The following ALG14 variants were observed in gnomAD, a reference collection of about 807,000 sequenced individuals.
The protein encoded by ALG14 is UDP-N-acetylglucosamine transferase subunit ALG14.
A neutral mutation model predicts 22.8 loss-of-function variants in ALG14; 17 were observed. The ratio of observed to expected loss-of-function variants is 0.75; its 90% CI spans 0.51 to 1.12. The LOEUF (loss-of-function observed/expected upper bound fraction) is 1.12, where lower values mean the gene tolerates loss of function less well. Among genes scored for constraint, ALG14 ranks in the 50% most tolerant of loss-of-function variants. The probability of loss-of-function intolerance (pLI) is 0.00; values close to 1 mark genes in which losing one functional copy is unlikely to be tolerated. For missense variants in ALG14, 288 were observed against 271.8 expected, an observed-to-expected ratio of 1.06 and a Z score of -0.42; for synonymous variants, 89 against 103.7, an observed-to-expected ratio of 0.86 and a Z score of 0.86.
chr1:95,050,776 T>C (rs1388916246), intron 2 of ALG14, among the ~76,000 whole-genome samples: 1 of 151,906 alleles, frequency 6.6e-6, no homozygotes, highest in African/African-American at 2.4e-5. Context: ...CAATAACAGC[T>C]CCCCTATATC....
chr1:95,001,694 CCATGTTGGCTTGGCTG>C (rs1264363061), intron 3 of ALG14, among the ~76,000 whole-genome samples: 2 of 152,124 alleles, frequency 1.3e-5, no homozygotes, highest in African/African-American at 2.4e-5. Context: ...TGGGGTTCCA[CCATGTTGGCTTGGCTG>C]ATCTCGAACT....
intron 2 of ALG14, among the ~76,000 whole-genome samples, chr1:95,037,696 G>C (rs1161241077): frequency 1.3e-5 from 2 of 152,200 alleles, no homozygotes; most frequent in African/African-American, 4.8e-5. Flanking sequence ...GTAGGTTTAT[G>C]TCACTTGAAG....
intron 1 of ALG14, among the ~76,000 whole-genome samples, chr1:95,067,957 T>C (rs1675431870): frequency 6.6e-6 from 1 of 152,228 alleles, no homozygotes; most frequent in Non-Finnish European, 1.5e-5. Flanking sequence ...CTGTTGGCTG[T>C]CATCTCCCCA....
In ALG14 at chr1:94,977,576, T is replaced by G. The variant is rs1672421028; in HGVS notation, c.*5500A>C. The G allele has an allele frequency of 6.6e-6, 1 of 152,228 alleles. No homozygotes were observed. The highest frequency in any genetic ancestry group is 2.4e-5 in the African/African-American group (1 of 41,458). 9.4% of individuals were successfully genotyped at this position (152,228 alleles called of 1,614,324 possible). A position where few individuals can be genotyped will look rare whatever the true frequency, so the allele number is the denominator to read the frequency against. On this transcript the variant is annotated 3_prime_UTR_variant, in exon 4 of 4. Coordinates refer to ENST00000370205, the MANE Select transcript of ALG14 (RefSeq NM_144988.4). ...ATATGTCCTTTTATATTCTTGCGTT[T>G]AAAATTTTTGTCTAGTTTCTACAAT...
In ALG14 at chr1:95,044,625, C is replaced by T. The variant is rs897270408; in HGVS notation, c.289-17365G>A. On this transcript the variant is annotated intron_variant, in intron 2 of 3. Coordinates refer to ENST00000370205, the MANE Select transcript of ALG14 (RefSeq NM_144988.4). ...CCTAAGAGCAATCACAACTTTTCCA[C>T]CCCATCAAAATTCCCAGTTCCCCAT... Among the ~76,000 whole-genome samples the T allele has an allele frequency of 2.0e-5, 3 of 152,240 alleles. No homozygotes were observed. The East Asian group carries it at 5.8e-4, about 29-fold the overall frequency.
chr1:94,991,194 C>T (rs1431959917), intron 3 of ALG14, among the ~76,000 whole-genome samples: 1 of 152,174 alleles, frequency 6.6e-6, no homozygotes, highest in Non-Finnish European at 1.5e-5. Flanking sequence ...TATTAGTGAA[C>T]AAAAGTCCTT....
intron 2 of ALG14, among the ~76,000 whole-genome samples, chr1:95,047,506 G>C (rs1318342618): frequency 6.6e-6 from 1 of 152,036 alleles, no homozygotes; most frequent in Non-Finnish European, 1.5e-5. Flanking sequence ...ACCACGCCCA[G>C]CTAATTTTTG....
At chr1:94,994,064 A>T (rs1383850144) in intron 3 of ALG14, among the ~76,000 whole-genome samples, 3 of 152,164 alleles carry the variant, frequency 2.0e-5, no homozygotes, top group African/African-American at 4.8e-5. Flanking sequence ...AGACCTAAAC[A>T]TTTTTTTGGT....
chr1:95,015,969 C>T (rs1673485847), intron 3 of ALG14, among the ~76,000 whole-genome samples: 1 of 152,172 alleles, frequency 6.6e-6, no homozygotes, highest in Admixed American at 6.5e-5. Context: ...GAGAAAGATC[C>T]AGCAACCTAC....
intron 3 of ALG14, among the ~76,000 whole-genome samples, chr1:94,984,495 T>C (rs1672586979): frequency 6.6e-6 from 1 of 152,206 alleles, no homozygotes; most frequent in African/African-American, 2.4e-5. Context: ...TGAAACACCA[T>C]TCACAGAGCT....
chr1:95,050,323 A>G (rs1275427677), intron 2 of ALG14, among the ~76,000 whole-genome samples: 1 of 152,216 alleles, frequency 6.6e-6, no homozygotes, highest in African/African-American at 2.4e-5. Flanking sequence ...GGAAATTGCA[A>G]CTTACACAAT....
intron 1 of ALG14, among the ~76,000 whole-genome samples, chr1:95,071,350 G>A (rs1475776710): frequency 6.6e-6 from 1 of 152,014 alleles, no homozygotes; most frequent in Non-Finnish European, 1.5e-5. Flanking sequence ...TTCAAGACCA[G>A]CCTTGGTCAA....
At chr1:95,030,142 A>G (rs1372078151) in intron 2 of ALG14, among the ~76,000 whole-genome samples, 1 of 152,238 alleles carries the variant, frequency 6.6e-6, no homozygotes, top group East Asian at 1.9e-4. Context: ...TGGTTTATAT[A>G]CCACATATTA....
intron 2 of ALG14, among the ~76,000 whole-genome samples, chr1:95,028,123 T>G (rs561876404): frequency 2.6e-5 from 4 of 152,214 alleles, no homozygotes; most frequent in Non-Finnish European, 5.9e-5. Context: ...AATACTCACA[T>G]GCATACATAC....
At chr1:95,008,735 T>A (rs1269747314) in intron 3 of ALG14, among the ~76,000 whole-genome samples, 2 of 151,980 alleles carry the variant, frequency 1.3e-5, no homozygotes, top group African/African-American at 4.8e-5. Flanking sequence ...GGTAAGCACA[T>A]TTACAAGGTT....
Position 94,982,699 on chromosome 1 carries a change from CAAAAAAA to C in ALG14, c.*370_*376del, listed in dbSNP as rs368855559. 4.3e-3 allele frequency: 344 copies of C among 79,528 alleles called. 1 individual carries two copies. The Middle Eastern group carries it at 0.062, about 14-fold the overall frequency. 4.9% of individuals were successfully genotyped at this position (79,528 alleles called of 1,614,324 possible). On this transcript the variant is annotated 3_prime_UTR_variant, in exon 4 of 4. Coordinates refer to ENST00000370205, the MANE Select transcript of ALG14 (RefSeq NM_144988.4). ...TTCTTTTACAATGCAGAATACTTTA[CAAAAAAA>C]AAAAAAAAAAAAAAAAGCTGTAGGA...
intron 2 of ALG14, among the ~76,000 whole-genome samples, chr1:95,044,393 G>A (rs573063971): frequency 6.6e-6 from 1 of 152,174 alleles, no homozygotes; most frequent in South Asian, 2.1e-4. Context: ...GTTTTTAAAA[G>A]GGCTTACAAG....
At chr1:94,991,853 CTTTT>C (rs36061520) in intron 3 of ALG14, among the ~76,000 whole-genome samples, 2 of 150,894 alleles carry the variant, frequency 1.3e-5, no homozygotes, top group Non-Finnish European at 3.0e-5. Flanking sequence ...TTTTTTATAT[CTTTT>C]TTTTTAACTT....
intron 3 of ALG14, among the ~76,000 whole-genome samples, chr1:95,000,631 C>T (rs1238170298): frequency 1.3e-5 from 2 of 150,166 alleles, no homozygotes; most frequent in Non-Finnish European, 3.0e-5. Context: ...ACTTCTAAAG[C>T]AGACTTAATT....
Sources: gnomAD v4.1 joint callset for allele counts (sites outside exome capture counted in the v4.1 genomes callset) on GRCh38, gnomAD v4.1.1 for gene constraint, MANE v1.5 for transcripts, NCBI Gene and HGNC (gene_info 2026-07-23, HGNC 2026-07-21) for gene names.